TTN: variants seen among roughly 807,000 people sequenced by gnomAD.
The protein encoded by TTN is connectin.
In TTN, 1,525 loss-of-function variants were observed where a neutral mutation model predicts 3,223.0. That is an observed-to-expected ratio of 0.47 (90% CI 0.45 to 0.49). The LOEUF is 0.49. Among genes scored for constraint, TTN ranks in the 20% least tolerant of loss-of-function variants. The pLI is 0.00. For missense variants in TTN, 40,786 were observed against 43,424.0 expected, an observed-to-expected ratio of 0.94 and a Z score of 5.40; for synonymous variants, 14,094 against 15,161.0, an observed-to-expected ratio of 0.93 and a Z score of 5.17.
intron 38 of TTN, 76 bp downstream of exon 38, chr2:178,768,597 T>C: frequency 6.3e-7 from 1 of 1,599,246 alleles, no homozygotes; most frequent in Non-Finnish European, 8.5e-7. Context: ...ATTTATCCAT[T>C]CATTAATTGA....
In TTN at chr2:178,597,527, A is replaced by C; in HGVS notation, c.57544+11T>G. ...TTTAAAAAGTTGCACAGACAAATTG[A>C]AAGTATTTACCTAATACATCAACAA... On this transcript the variant is annotated intron_variant, in intron 294 of 362. Coordinates refer to ENST00000589042, the MANE Select transcript of TTN (RefSeq NM_001267550.2). 1 of 1,604,938 alleles carries C rather than the reference A, an allele frequency of 6.2e-7. No homozygotes were observed. The highest frequency in any genetic ancestry group is 8.5e-7 in the Non-Finnish European group (1 of 1,176,256).
intron 140 of TTN, 101 bp from the exon 141 acceptor site, chr2:178,679,783 TTTAAAG>T: frequency 6.5e-7 from 1 of 1,547,736 alleles, no homozygotes; most frequent in South Asian, 1.2e-5. Context: ...AAATATCTGC[TTTAAAG>T]TAAGCAATCA....
Position 178,529,310 on chromosome 2 carries a change from GAAA to G in TTN, c.106532-94_106532-92del, listed in dbSNP as rs1391865062. 2.8e-6 allele frequency: 3 copies of G among 1,052,692 alleles called. No homozygotes were observed. In the Admixed American group the frequency reaches 1.0e-4, roughly 36 times the overall value. 65.2% of individuals were successfully genotyped at this position (1,052,692 alleles called of 1,614,324 possible). Reference sequence around the variant, plus strand: ...ATTCTGCGTGTGAAAAACATAAAAAGAAAAAAAGTCAACTTCTTCATGCAATGT... The same window carrying G: ...ATTCTGCGTGTGAAAAACATAAAAAGAAAAGTCAACTTCTTCATGCAATGT... On this transcript the variant is annotated intron_variant, in intron 359 of 362. Coordinates refer to ENST00000589042, the MANE Select transcript of TTN (RefSeq NM_001267550.2).
In TTN at chr2:178,601,347, G is replaced by A. The variant is rs1248662230; in HGVS notation, c.55650C>T (p.Phe18550=). The A allele has an allele frequency of 6.2e-7, 1 of 1,611,554 alleles. No homozygotes were observed. The highest frequency in any genetic ancestry group is 1.3e-5 in the African/African-American group (1 of 74,834). Residue 18550 remains phenylalanine (F), a synonymous_variant, in exon 287 of 363, where the codon TTC becomes TTT. Coordinates refer to ENST00000589042, the MANE Select transcript of TTN (RefSeq NM_001267550.2). ...VPDLLSEQQY[F]FRVRAENRFG... ...AACGGTTTTCTGCTCGCACACGGAA[G>A]AAATATTGCTGTTCAGAGAGGAGAT... is the stretch of plus-strand genomic sequence containing the variant.
rs748480491 is a variant in TTN at position 178,570,485 on chromosome 2, C to A, written c.75647G>T (p.Gly25216Val). The A allele has an allele frequency of 1.5e-5, 25 of 1,613,258 alleles. No individual in the cohort carries two copies. Among genetic ancestry groups the A allele is most frequent in the Non-Finnish European group, 2.1e-5 (25 of 1,179,578 alleles). Reference protein sequence around the residue: ...GPPEGPVVISGVTAEKCTLAW... With the variant: ...GPPEGPVVISVVTAEKCTLAW... ...TAGTGTGCATTTTTCTGCTGTAACT[C>A]CTGAGATAACAACAGGTCCTTCAGG... The change falls in exon 326 of 363, where the codon GGA (glycine) becomes GTA (valine). Residue 25216 changes from glycine to valine, a missense_variant. By Grantham distance (109) the Gly-to-Val change is moderately radical. Coordinates refer to ENST00000589042, the MANE Select transcript of TTN (RefSeq NM_001267550.2).
chr2:178,722,504 A>C lies in TTN; in HGVS notation c.22283T>G (p.Ile7428Ser). The change falls in exon 77 of 363, where the codon ATT (isoleucine) becomes AGT (serine). Residue 7428 changes from isoleucine (I) to serine (S), a missense_variant. Physicochemically the swap from Ile to Ser is moderately radical, Grantham distance 142. Coordinates refer to ENST00000589042, the MANE Select transcript of TTN (RefSeq NM_001267550.2). ...AACAGGTAACCCCACAGTTTGTTCAATGTCCTTTAATTGTCTTGCAAAAGA... is the reference window on the plus strand; with the variant it reads ...AACAGGTAACCCCACAGTTTGTTCACTGTCCTTTAATTGTCTTGCAAAAGA... Reference protein sequence around the residue: ...PPSFARQLKDIEQTVGLPVTL... With the variant: ...PPSFARQLKDSEQTVGLPVTL... 2 of 1,613,272 alleles carry C rather than the reference A, an allele frequency of 1.2e-6. No individual in the cohort carries two copies. The highest frequency in any genetic ancestry group is 1.7e-6 in the Non-Finnish European group (2 of 1,179,482).
At position 178,694,726 on chromosome 2, in the gene TTN, C is replaced by A. The variant is rs925092679; in HGVS notation, c.31349-50G>T. 7 of 1,511,530 alleles carry A rather than the reference C, an allele frequency of 4.6e-6. No homozygotes were observed. In the African/African-American group the frequency reaches 8.4e-5, roughly 18 times the overall value. 93.6% of individuals were successfully genotyped at this position (1,511,530 alleles called of 1,614,324 possible). ...TTGTATTTTGAAGAATATTGCTTTG[C>A]ACAAAATTTAAAAGTATTTGATTAT... On this transcript the variant is annotated intron_variant, in intron 116 of 362. Coordinates refer to ENST00000589042, the MANE Select transcript of TTN (RefSeq NM_001267550.2).
intron 354 of TTN, 176 bp from the exon 355 acceptor site, chr2:178,538,093 G>T: frequency 1.6e-6 from 1 of 623,490 alleles, no homozygotes; most frequent in Non-Finnish European, 2.7e-6. Context: ...GGTAAATAGG[G>T]ATTCAATGAG....
At chr2:178,642,365 G>A (rs1389019961) in intron 218 of TTN, 48 bp from the exon 219 acceptor site, 13 of 1,501,090 alleles carry the variant, frequency 8.7e-6, no homozygotes, top group Middle Eastern at 1.7e-4. Flanking sequence ...ATATAAAAAC[G>A]GAATTTCAAC....
Position 178,566,775 on chromosome 2 carries a change from C to T in TTN, c.79357G>A (p.Glu26453Lys). The part of the protein sequence containing the change: ...DLRLRVTGLT[E>K]DHEYEFRVSA... Reference sequence around the variant, plus strand: ...ACCCTGAATTCATACTCATGATCTTCTGTTAATCCTGTCACTCTTAGACGC... The same window carrying T: ...ACCCTGAATTCATACTCATGATCTTTTGTTAATCCTGTCACTCTTAGACGC... The change falls in exon 326 of 363, where the codon GAA (glutamate) becomes AAA (lysine). Residue 26453 changes from glutamate (E) to lysine (K), a missense_variant. Physicochemically the swap from Glu to Lys is moderately conservative, Grantham distance 56. Coordinates refer to ENST00000589042, the MANE Select transcript of TTN (RefSeq NM_001267550.2). 6.2e-7 allele frequency: 1 copy of T among 1,613,362 alleles called. No homozygotes were observed. Among genetic ancestry groups the T allele is most frequent in the Non-Finnish European group, 8.5e-7 (1 of 1,179,684 alleles).
Position 178,545,909 on chromosome 2 carries a change from T to C in TTN, c.95327A>G (p.Asn31776Ser), listed in dbSNP as rs1696881072. Residue 31776 changes from asparagine (N) to serine (S), a missense_variant, in exon 343 of 363, where the codon AAT (asparagine) becomes AGT (serine). Transcript: ENST00000589042. ...SYVVTRLIKN[N>S]EYIFRVRAVN... The stretch of plus-strand genomic sequence containing the variant: ...TGCCCTCACTCGGAATATGTACTCA[T>C]TGTTCTTGATGAGCCTGGTAACGAC... 2 of 1,613,904 alleles carry C rather than the reference T, an allele frequency of 1.2e-6. No homozygotes were observed. Among genetic ancestry groups the C allele is most frequent in the Non-Finnish European group, 1.7e-6 (2 of 1,179,796 alleles).
At position 178,654,251 on chromosome 2, in the gene TTN, T is replaced by A. The variant is rs2063654147; in HGVS notation, c.38337A>T (p.Val12779=). 1.2e-6 allele frequency: 2 copies of A among 1,600,438 alleles called. 1 individual carries two copies. Among genetic ancestry groups the A allele is most frequent in the African/African-American group, 2.7e-5 (2 of 74,294 alleles). The change falls in exon 193 of 363, where the codon GTA becomes GTT. Residue 12779 remains valine (V), a synonymous_variant. Coordinates refer to ENST00000589042, the MANE Select transcript of TTN (RefSeq NM_001267550.2). ...CCGGTTTTTTGGGCACAGCCACAGA[T>A]ACTTTCTTTTCAAGTACAACTTCTT... ...APKEVVLEKK[V]SVAVPKKPEA... is the part of the protein sequence containing the mutation.
rs939507322 is a variant in TTN, at chr2:178,617,630, T to A, written c.47573-118A>T. On this transcript the variant is annotated intron_variant, in intron 253 of 362. Transcript: ENST00000589042. ...GGTTTATCAAATTCACTAAGTAAAGTAGGCACAGTCTGGGTTTCTAAAACT... is the reference window on the plus strand; with the variant it reads ...GGTTTATCAAATTCACTAAGTAAAGAAGGCACAGTCTGGGTTTCTAAAACT... The A allele has an allele frequency of 2.9e-6, 4 of 1,356,484 alleles. No homozygotes were observed. In the African/African-American group the frequency reaches 4.4e-5, roughly 15 times the overall value. The allele number at this position is 1,356,484 out of a possible 1,614,324, so 84.0% of individuals were successfully genotyped here. A position where few individuals can be genotyped will look rare whatever the true frequency, so the allele number is the denominator to read the frequency against.
chr2:178,604,457 C>T (rs1035367515), intron 281 of TTN, among the ~76,000 whole-genome samples, 152 bp from the exon 282 acceptor site: 1 of 151,790 alleles, frequency 6.6e-6, no homozygotes, highest in African/African-American at 2.4e-5. Flanking sequence ...AAGGAGAAAG[C>T]TTTTTTTAAA....
Position 178,756,746 on chromosome 2 carries a change from TTGG to T in TTN, c.10727_10729del (p.Thr3576del). Reference sequence around the variant, plus strand: ...AGAGGAATCTGCCACTGCCTGGGACTTGGTGGACTCTCTTACATCTTTCCCAGA... The same window carrying T: ...AGAGGAATCTGCCACTGCCTGGGACTTGGACTCTCTTACATCTTTCCCAGA... On this transcript the variant is annotated inframe_deletion, in exon 46 of 363. Coordinates refer to ENST00000589042, the MANE Select transcript of TTN (RefSeq NM_001267550.2). The T allele has an allele frequency of 1.2e-6, 2 of 1,613,850 alleles. No homozygotes were observed. The highest frequency in any genetic ancestry group is 1.7e-6 in the Non-Finnish European group (2 of 1,179,804).
chr2:178,546,170 T>G (rs2154145672), intron 342 of TTN, 42 bp downstream of exon 342: 1 of 1,588,008 alleles, frequency 6.3e-7, no homozygotes, highest in Non-Finnish European at 8.6e-7. Flanking sequence ...CTGCCCACAC[T>G]GGAAAATGCT....
At chr2:178,708,538 C>A (rs992810484) in intron 99 of TTN, among the ~76,000 whole-genome samples, 1 of 152,158 alleles carries the variant, frequency 6.6e-6, no homozygotes, top group African/African-American at 2.4e-5. Context: ...ATTAAAACTT[C>A]TGATGTCTAT....
rs1225167267 is a variant in TTN, at chr2:178,770,109, G to GT, written c.8591dup (p.Tyr2864Ter). The change falls in exon 36 of 363, where the codon TAC (tyrosine) becomes TAAC (stop). Residue 2864 changes from tyrosine (Y) to a stop codon, truncating the protein, a stop_gained and frameshift_variant. Transcript: ENST00000589042. LOFTEE classifies it high-confidence loss of function. The stretch of plus-strand genomic sequence containing the variant: ...ATTCCAATTGCCCGACCACAGCTGT[G>GT]TATTCCCCAGCATCTGAGGGGGAGA... ...QNISPSDAGE[Y>*]TAVVGQLECK... 1 of 1,613,986 alleles carries GT rather than the reference G, an allele frequency of 6.2e-7. No individual in the cohort carries two copies. The highest frequency in any genetic ancestry group is 8.5e-7 in the Non-Finnish European group (1 of 1,180,016).
rs2154296046 is a variant in TTN at position 178,712,436 on chromosome 2, C to T, written c.27486G>A (p.Thr9162=). The T allele has an allele frequency of 6.2e-7, 1 of 1,613,666 alleles. No individual in the cohort carries two copies. The highest frequency in any genetic ancestry group is 1.3e-5 in the African/African-American group (1 of 74,984). Residue 9162 remains threonine (T), a synonymous_variant, in exon 95 of 363, where the codon ACG becomes ACA. Coordinates refer to ENST00000589042, the MANE Select transcript of TTN (RefSeq NM_001267550.2). ...TTTCCAGGATTGCCGATTTTTCAGT[C>T]GTAGTTATATTACACCTCTGAGAAG... ...VTPSQRCNIT[T]TEKSAILEIP...
Sources: allele counts gnomAD v4.1 joint callset (sites outside exome capture counted in the v4.1 genomes callset), GRCh38; gene constraint gnomAD v4.1.1; transcripts MANE v1.5; gene names NCBI Gene and HGNC (gene_info 2026-07-23, HGNC 2026-07-21).